PANK2: variants seen among roughly 807,000 people sequenced by gnomAD.
The protein encoded by PANK2 is pantothenate kinase 2.
A neutral mutation model predicts 43.1 loss-of-function variants in PANK2; 36 were observed. The observed-to-expected ratio is 0.84, with a 90% CI of 0.64 to 1.10. PANK2 has a LOEUF of 1.10. Among genes scored for constraint, PANK2 ranks in the 50% least tolerant of loss-of-function variants. PANK2 has a pLI of 0.00. For missense variants in PANK2, 576 were observed against 593.3 expected, an observed-to-expected ratio of 0.97 and a Z score of 0.30; for synonymous variants, 281 against 238.2, an observed-to-expected ratio of 1.18 and a Z score of -1.66.
rs1294794041 is a variant in PANK2, at chr20:3,924,496, ATGTGGGC to A, written c.*1213_*1219del. The A allele has an allele frequency of 6.6e-6, 1 of 152,468 alleles. No homozygotes were observed. The highest frequency in any genetic ancestry group is 2.1e-4 in the South Asian group (1 of 4,838). The allele number at this position is 152,468 out of a possible 1,614,324, so 9.4% of individuals were successfully genotyped here. ...TCCAGCTGGGGCAAGGGGAACTGAT[ATGTGGGC>A]TGTGGGCTGTTCCACTAGGCGTGGC... On this transcript the variant is annotated 3_prime_UTR_variant, in exon 7 of 7. Transcript: ENST00000610179.
chr20:3,922,947 G>C lies in PANK2; in HGVS notation c.1333-297G>C, dbSNP rs188467372. ...AACAGTCAGGTTCTGTCTCTTACCA[G>C]AGGTAACTGAGCTGCTGCTGGCCTC... On this transcript the variant is annotated intron_variant, in intron 6 of 6. Transcript: ENST00000610179. Among the ~76,000 whole-genome samples the C allele has an allele frequency of 9.7e-4, 147 of 152,262 alleles. No homozygotes were observed. The Middle Eastern group carries it at 0.031, about 32-fold the overall frequency.
upstream of PANK2, chr20:3,888,793 A>C: frequency 5.5e-6 from 2 of 365,102 alleles, no homozygotes; most frequent in Non-Finnish European, 1.0e-5. Flanking sequence ...TCCTTCTGGT[A>C]CCTCTCTCTC....
Position 3,929,756 on chromosome 20 carries a change from C to CA in PANK2, c.*6464dup, listed in dbSNP as rs1314304919. On this transcript the variant is annotated 3_prime_UTR_variant, in exon 7 of 7. Transcript: ENST00000610179. ...GAGCATCCTGTCGCAGATAGAAAGT[C>CA]AATCAGAAAAATCTGGTTGTGCTCT... 7 of 152,192 alleles carry CA rather than the reference C, an allele frequency of 4.6e-5. No homozygotes were observed. The highest frequency in any genetic ancestry group is 8.8e-5 in the Non-Finnish European group (6 of 68,006). 9.4% of individuals were successfully genotyped at this position (152,192 alleles called of 1,614,324 possible).
chr20:3,889,849 C>T (rs2090088442), intron 1 of PANK2, 121 bp downstream of exon 1: 1 of 1,534,648 alleles, frequency 6.5e-7, no homozygotes. Context: ...ACGGTGGTCC[C>T]TCGTTGGTGC....
At chr20:3,904,237 G>A (rs1308291587) in intron 1 of PANK2, among the ~76,000 whole-genome samples, 1 of 151,856 alleles carries the variant, frequency 6.6e-6, no homozygotes, top group Non-Finnish European at 1.5e-5. Context: ...GGTTTTCAGA[G>A]CATTCTTTCC....
intron 1 of PANK2, among the ~76,000 whole-genome samples, chr20:3,893,931 G>GTTTTT (rs374582085): frequency 1.4e-5 from 1 of 73,160 alleles, no homozygotes; most frequent in African/African-American, 4.1e-5. Context: ...TTTGTTTTTT[G>GTTTTT]TTTTTTTTTT....
At chr20:3,889,790 C>A in intron 1 of PANK2, 62 bp downstream of exon 1, 1 of 1,549,782 alleles carries the variant, frequency 6.5e-7, no homozygotes. Context: ...CCACCCTGTC[C>A]CCTTCCGGCC....
Position 3,927,411 on chromosome 20 carries a change from A to G in PANK2, c.*4117A>G, listed in dbSNP as rs561425892. The G allele has an allele frequency of 5.3e-5, 8 of 152,052 alleles. No individual in the cohort carries two copies. In the East Asian group the frequency reaches 1.5e-3, roughly 29 times the overall value. 9.4% of individuals were successfully genotyped at this position (152,052 alleles called of 1,614,324 possible). On this transcript the variant is annotated 3_prime_UTR_variant, in exon 7 of 7. Transcript: ENST00000610179. The stretch of plus-strand genomic sequence containing the variant: ...AATGCATTAAAATTTTAAAATAGCA[A>G]TTAAATATACAAAAATATAGCTTAC...
chr20:3,905,682 A>C (rs915796347), intron 1 of PANK2, among the ~76,000 whole-genome samples: 1 of 150,648 alleles, frequency 6.6e-6, no homozygotes, highest in Non-Finnish European at 1.5e-5. Context: ...TTATTTTAGA[A>C]AATAATATAT....
chr20:3,895,917 G>C (rs183944663), intron 1 of PANK2, among the ~76,000 whole-genome samples: 2 of 152,232 alleles, frequency 1.3e-5, no homozygotes, highest in Admixed American at 6.5e-5. Flanking sequence ...AATTATTAAA[G>C]TACCTCTTTC....
intron 3 of PANK2, among the ~76,000 whole-genome samples, chr20:3,911,200 T>C (rs1008113108): frequency 6.6e-6 from 1 of 152,156 alleles, no homozygotes; most frequent in Non-Finnish European, 1.5e-5. Context: ...CACACACATG[T>C]GTGTGTAGAA....
At chr20:3,901,053 A>ATTATTTAT (rs569670684) in intron 1 of PANK2, among the ~76,000 whole-genome samples, 30 of 151,394 alleles carry the variant, frequency 2.0e-4, no homozygotes, top group African/African-American at 6.3e-4. Context: ...TACAGGCTTT[A>ATTATTTAT]TTATTTATTT....
chr20:3,902,886 A>G lies in PANK2; in HGVS notation c.299-5040A>G, dbSNP rs2090323820. On this transcript the variant is annotated intron_variant, in intron 1 of 6. Transcript: ENST00000610179. ...TAGCAATTGTTTTTTCTCTTTTATAACAGCGTCTTTAATGTTGTAATTTAC... is the reference window on the plus strand; with the variant it reads ...TAGCAATTGTTTTTTCTCTTTTATAGCAGCGTCTTTAATGTTGTAATTTAC... Among the ~76,000 whole-genome samples, 4 of 151,502 alleles carry G rather than the reference A, an allele frequency of 2.6e-5. No homozygotes were observed. In the Admixed American group the frequency reaches 2.7e-4, roughly 10 times the overall value.
intron 2 of PANK2, 21 bp downstream of exon 2, chr20:3,908,299 A>G (rs1197967423): frequency 5.2e-6 from 8 of 1,548,664 alleles, no homozygotes; most frequent in African/African-American, 1.4e-5. Context: ...TTTAGCTTAT[A>G]TACAATTTAT....
At chr20:3,892,139 C>G (rs1016880549) in intron 1 of PANK2, among the ~76,000 whole-genome samples, 1 of 151,936 alleles carries the variant, frequency 6.6e-6, no homozygotes, top group African/African-American at 2.4e-5. Flanking sequence ...AGTTCGAGAC[C>G]AGAGACCAGC....
intron 1 of PANK2, among the ~76,000 whole-genome samples, chr20:3,896,057 T>G (rs956967863): frequency 6.6e-6 from 1 of 151,810 alleles, no homozygotes; most frequent in East Asian, 1.9e-4. Context: ...AAAAGTAAAC[T>G]GTGTGTTTCT....
At chr20:3,912,083 A>T (rs2090476486) in intron 3 of PANK2, among the ~76,000 whole-genome samples, 1 of 152,150 alleles carries the variant, frequency 6.6e-6, no homozygotes, top group Admixed American at 6.5e-5. Flanking sequence ...GGGTGTACTG[A>T]TAAGCCAGGG....
chr20:3,922,649 C>G (rs764695525), intron 6 of PANK2, among the ~76,000 whole-genome samples: 5 of 151,972 alleles, frequency 3.3e-5, no homozygotes, highest in Non-Finnish European at 7.4e-5. Context: ...GGGAACTCAC[C>G]CACCGGCCTT....
In PANK2 at chr20:3,889,910, C is replaced by T. The variant is rs1234301358; in HGVS notation, c.298+182C>T. ...TCGGGTGCTCCGAAAGCGGTACCTT[C>T]GGGGGCCCCCCCGCACCCATTGGTA... is the stretch of plus-strand genomic sequence containing the variant. On this transcript the variant is annotated intron_variant, in intron 1 of 6. Transcript: ENST00000610179. 4 of 1,532,170 alleles carry T rather than the reference C, an allele frequency of 2.6e-6. No individual in the cohort carries two copies. The South Asian group carries it at 3.6e-5, about 14-fold the overall frequency. 94.9% of individuals were successfully genotyped at this position (1,532,170 alleles called of 1,614,324 possible).
Sources: gnomAD v4.1 joint callset for allele counts (sites outside exome capture counted in the v4.1 genomes callset) on GRCh38, gnomAD v4.1.1 for gene constraint, MANE v1.5 for transcripts, NCBI Gene and HGNC (gene_info 2026-07-23, HGNC 2026-07-21) for gene names.